CNTN5: variants seen among roughly 807,000 people sequenced by gnomAD.
CNTN5 encodes the protein contactin 5.
CNTN5 carries 77 observed loss-of-function variants against 129.1 expected under a neutral mutation model. That is an observed-to-expected ratio of 0.60 (90% confidence interval 0.50 to 0.72). CNTN5 has a LOEUF of 0.72. Ranked by LOEUF, CNTN5 falls within the 30% of genes least tolerant of loss-of-function variation. The pLI, the probability that CNTN5 is intolerant of heterozygous loss-of-function variation, is 0.00. For missense variants in CNTN5, 1,478 were observed against 1,328.8 expected, an observed-to-expected ratio of 1.11 and a Z score of -1.75; for synonymous variants, 509 against 465.6, an observed-to-expected ratio of 1.09 and a Z score of -1.20.
chr11:99,430,474 G>T (rs1943317692), intron 2 of CNTN5, among the ~76,000 whole-genome samples: 1 of 148,814 alleles, frequency 6.7e-6, no homozygotes, highest in African/African-American at 2.4e-5. Flanking sequence ...ATATATAAGA[G>T]ATTTATATAT....
At chr11:99,821,013 GT>G (rs1280971851) in intron 4 of CNTN5, among the ~76,000 whole-genome samples, 1 of 152,180 alleles carries the variant, frequency 6.6e-6, no homozygotes, top group African/African-American at 2.4e-5. Flanking sequence ...TAAGCATGAT[GT>G]TAGAACTCCA....
chr11:100,238,977 C>T (rs929548906), intron 16 of CNTN5, among the ~76,000 whole-genome samples: 3 of 152,140 alleles, frequency 2.0e-5, no homozygotes, highest in Non-Finnish European at 2.9e-5. Flanking sequence ...CAGATTGGCA[C>T]GTTGATAGGC....
At chr11:99,638,568 C>T (rs1370850009) in intron 3 of CNTN5, among the ~76,000 whole-genome samples, 4 of 152,194 alleles carry the variant, frequency 2.6e-5, no homozygotes, top group South Asian at 2.1e-4. Context: ...AAACTAGTTA[C>T]TTCCTAGATA....
chr11:99,022,110 TG>T lies in CNTN5; in HGVS notation c.-210+841del, dbSNP rs1201530261. 2.6e-5 allele frequency among the ~76,000 whole-genome samples: 4 copies of T among 152,196 alleles called. 1 individual carries two copies. Among genetic ancestry groups the T allele is most frequent in the Admixed American group, 2.6e-4 (4 of 15,278 alleles). On this transcript the variant is annotated intron_variant, in intron 1 of 24. Coordinates refer to ENST00000524871, the MANE Select transcript of CNTN5 (RefSeq NM_014361.4). ...GGTGAGAAGCAAAAAACTTTTAAAC[TG>T]TTGTATGTTCAATGCCTTACCTACA...
At chr11:99,979,003 C>T (rs899761922) in intron 8 of CNTN5, among the ~76,000 whole-genome samples, 3 of 152,176 alleles carry the variant, frequency 2.0e-5, no homozygotes, top group African/African-American at 7.2e-5. Flanking sequence ...CTATGTGACC[C>T]ACTCTCTCTA....
At chr11:99,824,002 T>C (rs149565930) in intron 4 of CNTN5, among the ~76,000 whole-genome samples, 1 of 152,202 alleles carries the variant, frequency 6.6e-6, no homozygotes, top group Admixed American at 6.5e-5. Context: ...CAGTTCTAAG[T>C]TCATTTCATT....
intron 1 of CNTN5, among the ~76,000 whole-genome samples, chr11:99,082,294 T>G (rs1865835375): frequency 6.6e-6 from 1 of 151,842 alleles, no homozygotes; most frequent in South Asian, 2.1e-4. Flanking sequence ...CAAGCTATTC[T>G]CCTGCCTCAG....
At chr11:99,216,301 T>C (rs4333991) in intron 1 of CNTN5, among the ~76,000 whole-genome samples, 114,027 of 151,902 alleles carry the variant, frequency 0.75, 43,121 homozygotes, top group East Asian at 0.99. Context: ...CCTCCAATTC[T>C]ATCTGTGTTG....
intron 6 of CNTN5, among the ~76,000 whole-genome samples, chr11:99,890,621 G>A (rs1949034782): frequency 6.6e-6 from 1 of 151,936 alleles, no homozygotes; most frequent in South Asian, 2.1e-4. Context: ...GGAGAGAATA[G>A]ACAAATTTCC....
At chr11:100,269,419 A>G (rs1950367057) in intron 17 of CNTN5, among the ~76,000 whole-genome samples, 1 of 152,168 alleles carries the variant, frequency 6.6e-6, no homozygotes, top group Non-Finnish European at 1.5e-5. Flanking sequence ...AAGGAGAGGA[A>G]ATGTTAAGAG....
At chr11:99,984,520 AT>A (rs1050919927) in intron 8 of CNTN5, among the ~76,000 whole-genome samples, 128 of 148,056 alleles carry the variant, frequency 8.6e-4, no homozygotes, top group African/African-American at 3.0e-3. Context: ...TTTTGTTTTC[AT>A]TTTGGTGGGG....
At chr11:99,508,686 C>CTTTCTTTTTTTTTT (rs11281160) in intron 2 of CNTN5, among the ~76,000 whole-genome samples, 24 of 146,940 alleles carry the variant, frequency 1.6e-4, no homozygotes, top group South Asian at 8.7e-4. Flanking sequence ...TCTTTTCTTT[C>CTTTCTTTTTTTTTT]TTTTTTTTTT....
chr11:99,830,271 T>TA (rs1241500612), intron 4 of CNTN5, among the ~76,000 whole-genome samples: 1 of 152,156 alleles, frequency 6.6e-6, no homozygotes, highest in Non-Finnish European at 1.5e-5. Flanking sequence ...CCCTCAATGG[T>TA]AAACACAATC....
chr11:100,093,332 C>T (rs117763529), intron 13 of CNTN5, among the ~76,000 whole-genome samples: 16 of 152,216 alleles, frequency 1.1e-4, no homozygotes, highest in Admixed American at 3.3e-4. Flanking sequence ...AAGACCATAG[C>T]GCACTGTAAT....
chr11:99,912,392 T>G (rs186497648), intron 6 of CNTN5, among the ~76,000 whole-genome samples: 128 of 152,120 alleles, frequency 8.4e-4, no homozygotes, highest in African/African-American at 2.8e-3. Context: ...CCCAGACTCC[T>G]GTGAGCTATG....
At chr11:99,535,359 T>C (rs1196398571) in intron 2 of CNTN5, among the ~76,000 whole-genome samples, 2 of 152,178 alleles carry the variant, frequency 1.3e-5, no homozygotes, top group African/African-American at 2.4e-5. Flanking sequence ...AGATAAACAG[T>C]AGACAGAATA....
At chr11:99,975,947 G>T (rs1002146927) in intron 8 of CNTN5, among the ~76,000 whole-genome samples, 1 of 152,172 alleles carries the variant, frequency 6.6e-6, no homozygotes, top group Non-Finnish European at 1.5e-5. Flanking sequence ...TCTGAGACAA[G>T]GCACGTCCTT....
chr11:100,285,996 G>C (rs1448474268), intron 18 of CNTN5, among the ~76,000 whole-genome samples: 1 of 151,570 alleles, frequency 6.6e-6, no homozygotes, highest in Non-Finnish European at 1.5e-5. Flanking sequence ...AGGGGTGACA[G>C]ACGCACCTGG....
chr11:99,416,892 C>A (rs1942681392), intron 2 of CNTN5, among the ~76,000 whole-genome samples: 1 of 152,126 alleles, frequency 6.6e-6, no homozygotes, highest in Non-Finnish European at 1.5e-5. Context: ...GGGAGCTCTT[C>A]CTTGTTGTTA....
Sources: gnomAD v4.1 joint callset for allele counts (sites outside exome capture counted in the v4.1 genomes callset) on GRCh38, gnomAD v4.1.1 for gene constraint, MANE v1.5 for transcripts, NCBI Gene and HGNC (gene_info 2026-07-23, HGNC 2026-07-21) for gene names.